The following GSG1L variants were observed in gnomAD, a reference collection of about 807,000 sequenced individuals.
GSG1L encodes germ cell-specific gene 1-like protein.
In GSG1L, 24 loss-of-function variants were observed where a neutral mutation model predicts 42.1. The ratio of observed to expected loss-of-function variants is 0.57; its 90% CI spans 0.41 to 0.80. The LOEUF is 0.80. Ranked by LOEUF, GSG1L falls within the 30% of genes least tolerant of loss-of-function variation. The pLI, the probability that GSG1L is intolerant of heterozygous loss-of-function variation, is 0.00. For missense variants in GSG1L, 445 were observed against 472.2 expected (o/e 0.94, Z 0.53); for synonymous variants, 215 against 203.5 (o/e 1.06, Z -0.48).
intron 5 of GSG1L, among the ~76,000 whole-genome samples, chr16:27,827,889 TCCATCCATCCATC>T (rs1291762710): frequency 2.3e-5 from 3 of 130,866 alleles, no homozygotes; most frequent in Non-Finnish European, 5.0e-5. Flanking sequence ...CATCCATCCA[TCCATCCATCCATC>T]CCTTCACCTA....
intron 1 of GSG1L, among the ~76,000 whole-genome samples, chr16:27,979,788 G>C (rs985092433): frequency 8.7e-6 from 1 of 115,426 alleles, no homozygotes; most frequent in African/African-American, 3.5e-5. Flanking sequence ...GAAAGAAAAA[G>C]AAAGAAAGGA....
At chr16:27,992,818 G>A (rs2085470196) in intron 1 of GSG1L, among the ~76,000 whole-genome samples, 1 of 152,114 alleles carries the variant, frequency 6.6e-6, no homozygotes, top group Non-Finnish European at 1.5e-5. Context: ...ATGGCCCAGG[G>A]AGGGCCTTGG....
At chr16:27,912,120 T>C (rs575817363) in intron 2 of GSG1L, among the ~76,000 whole-genome samples, 2 of 152,274 alleles carry the variant, frequency 1.3e-5, no homozygotes, top group South Asian at 4.1e-4. Flanking sequence ...CCCGCAACCC[T>C]ACAAGGGTCT....
At chr16:28,049,792 G>C (rs79954711) in intron 1 of GSG1L, among the ~76,000 whole-genome samples, 232 of 152,104 alleles carry the variant, frequency 1.5e-3, no homozygotes, top group African/African-American at 5.4e-3. Flanking sequence ...AGAACTCCAT[G>C]GCTGCCCTCT....
intron 1 of GSG1L, among the ~76,000 whole-genome samples, chr16:28,058,307 C>T (rs1268931541): frequency 6.6e-6 from 1 of 152,172 alleles, no homozygotes; most frequent in East Asian, 1.9e-4. Context: ...GCACCCACCT[C>T]GTAGGGCTAT....
chr16:27,792,287 G>A (rs1435176095), intron 6 of GSG1L, among the ~76,000 whole-genome samples: 5 of 152,184 alleles, frequency 3.3e-5, no homozygotes, highest in Non-Finnish European at 7.3e-5. Context: ...CTGTGTGTGT[G>A]GACATGGGTG....
chr16:27,941,428 T>A, intron 2 of GSG1L, among the ~76,000 whole-genome samples: 1 of 149,884 alleles, frequency 6.7e-6, no homozygotes, highest in Admixed American at 6.7e-5. Context: ...CCCAACACTT[T>A]AGGAGATCAA....
At chr16:27,955,119 G>T (rs2141099465) in intron 2 of GSG1L, among the ~76,000 whole-genome samples, 1 of 152,244 alleles carries the variant, frequency 6.6e-6, no homozygotes, top group East Asian at 1.9e-4. Context: ...CAATATAAAA[G>T]ACAGTTGAAA....
rs187026129 is a variant in GSG1L, at chr16:27,822,306, C to T, written c.830+6483G>A. Among the ~76,000 whole-genome samples the T allele has an allele frequency of 8.5e-5, 13 of 152,276 alleles. No homozygotes were observed. The East Asian group carries it at 1.5e-3, about 18-fold the overall frequency. Reference sequence around the variant, plus strand: ...TCCAACCCTGGTCTATTTCTTCAGGCGTTCCACAAGGGCTGAATGCATGAA... The same window carrying T: ...TCCAACCCTGGTCTATTTCTTCAGGTGTTCCACAAGGGCTGAATGCATGAA... On this transcript the variant is annotated intron_variant, in intron 5 of 6. Coordinates refer to ENST00000447459, the MANE Select transcript of GSG1L (RefSeq NM_001109763.2).
At chr16:27,803,823 A>ATATAGC in intron 6 of GSG1L, among the ~76,000 whole-genome samples, 1 of 149,216 alleles carries the variant, frequency 6.7e-6, no homozygotes. Flanking sequence ...ATAGATATAG[A>ATATAGC]TATAGATATA....
chr16:27,948,465 C>T (rs2141093185), intron 2 of GSG1L, among the ~76,000 whole-genome samples: 1 of 152,242 alleles, frequency 6.6e-6, no homozygotes, highest in Non-Finnish European at 1.5e-5. Flanking sequence ...CCTCCACTTC[C>T]CAAGTTCAAA....
chr16:27,950,643 C>G (rs1190609979), intron 2 of GSG1L, among the ~76,000 whole-genome samples: 1 of 152,074 alleles, frequency 6.6e-6, no homozygotes, highest in African/African-American at 2.4e-5. Flanking sequence ...AGCCTAGAGG[C>G]TGAGCCTGAC....
At chr16:27,995,431 T>C (rs544177746) in intron 1 of GSG1L, among the ~76,000 whole-genome samples, 93 of 152,210 alleles carry the variant, frequency 6.1e-4, no homozygotes, top group African/African-American at 2.0e-3. Flanking sequence ...ACTGGAGATA[T>C]TGTAGTTGGA....
intron 1 of GSG1L, among the ~76,000 whole-genome samples, chr16:28,050,335 C>G (rs1247855025): frequency 6.6e-6 from 1 of 152,134 alleles, no homozygotes; most frequent in African/African-American, 2.4e-5. Context: ...TGCACACCAC[C>G]ACGTCTGGCT....
At position 28,063,613 on chromosome 16, in the gene GSG1L, C is replaced by A. The variant is rs1467508701; in HGVS notation, c.-189G>T. 1 of 153,124 alleles carries A rather than the reference C, an allele frequency of 6.5e-6. No homozygotes were observed. The highest frequency in any genetic ancestry group is 1.4e-5 in the Non-Finnish European group (1 of 72,724). The allele number at this position is 153,124 out of a possible 1,614,324, so 9.5% of individuals were successfully genotyped here. A position where few individuals can be genotyped will look rare whatever the true frequency, so the allele number is the denominator to read the frequency against. On this transcript the variant is annotated 5_prime_UTR_variant, in exon 1 of 7. Transcript: ENST00000447459. The surrounding 1 kb of genome is among the most constrained non-coding windows in gnomAD (Gnocchi z 5.8). ...CGGGGTGGGGGCGCGGCGCGGGGGGCGTGCGGGGCGGGCTGGCGGGGCGGG... is the reference window on the plus strand; with the variant it reads ...CGGGGTGGGGGCGCGGCGCGGGGGGAGTGCGGGGCGGGCTGGCGGGGCGGG...
In GSG1L at chr16:27,791,386, A is replaced by G; in HGVS notation, c.980T>C (p.Leu327Ser). Reference protein sequence around the residue: ...APELNRQCWVLGHWV With the variant: ...APELNRQCWVSGHWV ...AGGTCTTGGTCACACCCAGTGCCCC[A>G]AGACCCAGCACTGTCGGTTCAGCTC... is the stretch of plus-strand genomic sequence containing the variant. Residue 327 changes from leucine to serine, a missense_variant, in exon 7 of 7, where the codon TTG becomes TCG. Leu to Ser is a moderately radical substitution (Grantham distance 145). This residue lies in a region of GSG1L where 140 missense variants were observed against 120.6 expected (regional missense o/e 1.16). Coordinates refer to ENST00000447459, the MANE Select transcript of GSG1L (RefSeq NM_001109763.2). 1 of 1,476,706 alleles carries G rather than the reference A, an allele frequency of 6.8e-7. No individual in the cohort carries two copies. The highest frequency in any genetic ancestry group is 1.4e-5 in the South Asian group (1 of 71,056). The allele number at this position is 1,476,706 out of a possible 1,614,324, so 91.5% of individuals were successfully genotyped here.
At chr16:27,966,974 T>C (rs2085143270) in intron 1 of GSG1L, among the ~76,000 whole-genome samples, 1 of 152,098 alleles carries the variant, frequency 6.6e-6, no homozygotes. Flanking sequence ...CACCGCCCAC[T>C]ACTGCTCTGC....
intron 5 of GSG1L, among the ~76,000 whole-genome samples, chr16:27,815,786 T>C (rs2083087811): frequency 6.6e-6 from 1 of 152,086 alleles, no homozygotes; most frequent in Non-Finnish European, 1.5e-5. Flanking sequence ...CTGGACAATA[T>C]AGGGAGATCT....
intron 4 of GSG1L, among the ~76,000 whole-genome samples, chr16:27,839,838 G>A (rs1028210449): frequency 1.8e-4 from 27 of 152,120 alleles, no homozygotes; most frequent in African/African-American, 5.1e-4. Flanking sequence ...GAAATCATCC[G>A]CAGGCTGGGT....
Sources: allele counts gnomAD v4.1 joint callset (sites outside exome capture counted in the v4.1 genomes callset), GRCh38; gene constraint gnomAD v4.1.1; regional missense constraint gnomAD v4.1.1; non-coding constraint Gnocchi (gnomAD v3.1); transcripts MANE v1.5; gene names NCBI Gene and HGNC (gene_info 2026-07-23, HGNC 2026-07-21).